Variants in SGCD observed in about 807,000 individuals in gnomAD.
SGCD encodes the protein delta-sarcoglycan.
SGCD carries 18 observed loss-of-function variants against 36.6 expected under a neutral mutation model. That is an observed-to-expected ratio of 0.49 (90% CI 0.34 to 0.73). SGCD has a LOEUF of 0.73. SGCD is among the 30% of genes least tolerant of loss of function. The pLI is 0.01. For missense variants in SGCD, 387 were observed against 346.7 expected (o/e 1.12, Z -0.92); for synonymous variants, 133 against 130.6 (o/e 1.02, Z -0.12).
intron 1 of SGCD, among the ~76,000 whole-genome samples, chr5:156,073,437 C>A (rs1272837123): frequency 1.3e-5 from 2 of 152,100 alleles, no homozygotes; most frequent in African/African-American, 4.8e-5. Context: ...ATGGTTTATG[C>A]CTGTAGGTCT....
At chr5:156,612,684 A>G (rs1761871579) in intron 6 of SGCD, among the ~76,000 whole-genome samples, 1 of 152,336 alleles carries the variant, frequency 6.6e-6, no homozygotes, top group Admixed American at 6.5e-5. Context: ...TGGTGCTGTA[A>G]CTACCCATGT....
intron 3 of SGCD, among the ~76,000 whole-genome samples, chr5:156,444,926 G>A (rs1164185173): frequency 6.6e-6 from 1 of 152,136 alleles, no homozygotes; most frequent in Non-Finnish European, 1.5e-5. Context: ...TACAGATGGT[G>A]GTTGCATATT....
chr5:156,435,604 G>T (rs559955494), intron 3 of SGCD, among the ~76,000 whole-genome samples: 1 of 152,090 alleles, frequency 6.6e-6, no homozygotes, highest in African/African-American at 2.4e-5. Flanking sequence ...TTCTGTATCC[G>T]CTCTTGAATA....
intron 1 of SGCD, among the ~76,000 whole-genome samples, chr5:156,051,202 G>C (rs1260750149): frequency 6.8e-6 from 1 of 146,224 alleles, no homozygotes; most frequent in East Asian, 1.9e-4. Context: ...GGAAGAGAGG[G>C]AGGAAAGAAA....
rs543387302 is a variant in SGCD at position 156,406,849 on chromosome 5, T to A, written c.192+62172T>A. Among the ~76,000 whole-genome samples, 4 of 132,870 alleles carry A rather than the reference T, an allele frequency of 3.0e-5. No individual in the cohort carries two copies. In the East Asian group the frequency reaches 9.9e-4, roughly 33 times the overall value. 87.2% of individuals were successfully genotyped at this position (132,870 alleles called of 152,430 possible). ...ACACACACACACACACACATATATA[T>A]GTGTATATATATTAGTTTATTAAGT... is the stretch of plus-strand genomic sequence containing the variant. On this transcript the variant is annotated intron_variant, in intron 3 of 8. Transcript: ENST00000337851.
chr5:155,865,236 CAAA>C, the SGCD span, among the ~76,000 whole-genome samples: 1 of 151,578 alleles, frequency 6.6e-6, no homozygotes, highest in African/African-American at 2.4e-5. Flanking sequence ...TATATGTTAA[CAAA>C]GTATATTTTA....
intron 2 of SGCD, among the ~76,000 whole-genome samples, chr5:156,344,258 T>A (rs2127716097): frequency 6.6e-6 from 1 of 152,282 alleles, no homozygotes; most frequent in Middle Eastern, 3.4e-3. Context: ...TGACTGTGGC[T>A]GTATCAGTGC....
At chr5:156,472,743 A>T (rs935634981) in intron 3 of SGCD, among the ~76,000 whole-genome samples, 11 of 152,188 alleles carry the variant, frequency 7.2e-5, no homozygotes, top group African/African-American at 2.2e-4. Context: ...TAAATTTTTT[A>T]AAATGCTATG....
chr5:155,825,923 AT>A, the SGCD span, among the ~76,000 whole-genome samples: 1 of 151,846 alleles, frequency 6.6e-6, no homozygotes, highest in South Asian at 2.1e-4. Context: ...TAATTTTTGT[AT>A]TTTTAGTAGA....
chr5:156,351,243 A>T (rs1451386738), intron 3 of SGCD, among the ~76,000 whole-genome samples: 1 of 152,176 alleles, frequency 6.6e-6, no homozygotes, highest in Non-Finnish European at 1.5e-5. Flanking sequence ...TATAAACTTA[A>T]TATCTACCCA....
intron 3 of SGCD, among the ~76,000 whole-genome samples, chr5:156,380,823 G>A (rs1334530081): frequency 6.6e-6 from 1 of 152,160 alleles, no homozygotes; most frequent in Non-Finnish European, 1.5e-5. Flanking sequence ...GCTGTGGTTT[G>A]CATTTTAATT....
At chr5:155,978,840 G>C (rs1758173273) in intron 1 of SGCD, among the ~76,000 whole-genome samples, 1 of 151,608 alleles carries the variant, frequency 6.6e-6, no homozygotes, top group Non-Finnish European at 1.5e-5. Context: ...AAAAAAAAAA[G>C]AGTTAAGGTG....
chr5:155,911,317 G>GTATA (rs201548921), intron 1 of SGCD, among the ~76,000 whole-genome samples: 114 of 121,700 alleles, frequency 9.4e-4, no homozygotes, highest in African/African-American at 3.4e-3. Flanking sequence ...GTGTGTGTGT[G>GTATA]TGTATATATA....
intron 2 of SGCD, among the ~76,000 whole-genome samples, chr5:156,120,940 G>A (rs552253373): frequency 3.2e-4 from 48 of 152,146 alleles, no homozygotes; most frequent in African/African-American, 1.1e-3. Context: ...TTCCAGAACC[G>A]AGGCCAAGAT....
chr5:155,834,970 G>A, the SGCD span, among the ~76,000 whole-genome samples: 1 of 144,386 alleles, frequency 6.9e-6, no homozygotes, highest in Non-Finnish European at 1.5e-5. Flanking sequence ...TGAGTAGCTG[G>A]GATTAAAGGC....
chr5:156,145,678 C>T lies in SGCD; in HGVS notation c.-44+21659C>T, dbSNP rs1480654536. Reference sequence around the variant, plus strand: ...AGTATTTGGTTAAAAGTATAGAGTCCAAGAACTTCAAGAAGGATACACTCA... The same window carrying T: ...AGTATTTGGTTAAAAGTATAGAGTCTAAGAACTTCAAGAAGGATACACTCA... On this transcript the variant is annotated intron_variant, in intron 3 of 9. Transcript: ENST00000517913. Among the ~76,000 whole-genome samples the T allele has an allele frequency of 2.0e-5, 3 of 151,844 alleles. No individual in the cohort carries two copies. The East Asian group carries it at 5.8e-4, about 29-fold the overall frequency.
At chr5:155,833,740 A>G in the SGCD span, among the ~76,000 whole-genome samples, 1 of 152,192 alleles carries the variant, frequency 6.6e-6, no homozygotes, top group Non-Finnish European at 1.5e-5. Flanking sequence ...GACCCCCCTC[A>G]TGTTGCCCCT....
chr5:156,269,471 A>C (rs573624752), intron 3 of SGCD, among the ~76,000 whole-genome samples: 1,810 of 31,680 alleles, frequency 0.057, 26 homozygotes, highest in African/African-American at 0.17. Flanking sequence ...CTCCGTCTCA[A>C]AAAAAAAAAA....
intron 6 of SGCD, among the ~76,000 whole-genome samples, chr5:156,641,676 G>A (rs942013844): frequency 1.3e-5 from 2 of 152,180 alleles, no homozygotes; most frequent in African/African-American, 4.8e-5. Context: ...AATGGGCATG[G>A]CTGGCTTTGA....
Sources: gnomAD v4.1 joint callset for allele counts (sites outside exome capture counted in the v4.1 genomes callset) on GRCh38, gnomAD v4.1.1 for gene constraint, MANE v1.5 for transcripts, NCBI Gene and HGNC (gene_info 2026-07-23, HGNC 2026-07-21) for gene names.